ROBO1: variants seen among roughly 807,000 people sequenced by gnomAD.
ROBO1 encodes roundabout guidance receptor 1, also known as roundabout homolog 1.
In ROBO1, 149 loss-of-function variants were observed where a neutral mutation model predicts 195.9. The observed-to-expected ratio is 0.76, with a 90% CI of 0.67 to 0.87. The LOEUF is 0.87. Among genes scored for constraint, ROBO1 ranks in the 40% least tolerant of loss-of-function variants. The probability of loss-of-function intolerance (pLI) is 0.00; values close to 1 mark genes in which losing one functional copy is unlikely to be tolerated. For synonymous variants in ROBO1, 816 were observed against 733.2 expected (o/e 1.11, Z -1.82); for missense variants, 1,933 against 2,068.3 (o/e 0.93, Z 1.27).
At chr3:78,793,903 T>C (rs2084104406) in intron 4 of ROBO1, among the ~76,000 whole-genome samples, 1 of 152,198 alleles carries the variant, frequency 6.6e-6, no homozygotes, top group South Asian at 2.1e-4. Flanking sequence ...AAAGAAGCAC[T>C]GAATTATTTT....
chr3:79,638,549 G>A (rs1365927569), intron 1 of ROBO1, among the ~76,000 whole-genome samples: 1 of 152,024 alleles, frequency 6.6e-6, no homozygotes, highest in African/African-American at 2.4e-5. Context: ...CACAGTGCTG[G>A]AATTACAGAC....
intron 2 of ROBO1, among the ~76,000 whole-genome samples, chr3:79,425,628 A>T (rs2038414884): frequency 6.6e-6 from 1 of 152,246 alleles, no homozygotes; most frequent in East Asian, 1.9e-4. Context: ...TACATAAAAC[A>T]AAGATTAAGA....
intron 3 of ROBO1, among the ~76,000 whole-genome samples, chr3:78,959,311 T>C (rs2041219296): frequency 6.6e-6 from 1 of 152,208 alleles, no homozygotes; most frequent in South Asian, 2.1e-4. Flanking sequence ...GTCACATTAC[T>C]ATCATATTTG....
intron 10 of ROBO1, among the ~76,000 whole-genome samples, chr3:78,673,583 T>TAC (rs1708214886): frequency 3.0e-4 from 20 of 67,058 alleles, no homozygotes; most frequent in African/African-American, 8.2e-4. Context: ...TATATATATA[T>TAC]ATATATATAT....
chr3:78,754,285 T>C (rs918003016), intron 4 of ROBO1, among the ~76,000 whole-genome samples: 18 of 152,100 alleles, frequency 1.2e-4, no homozygotes, highest in African/African-American at 3.9e-4. Flanking sequence ...AAGAATGCCA[T>C]TGATGAGGGT....
intron 2 of ROBO1, among the ~76,000 whole-genome samples, chr3:79,483,929 A>G (rs1387039294): frequency 6.6e-6 from 1 of 152,074 alleles, no homozygotes; most frequent in Non-Finnish European, 1.5e-5. Flanking sequence ...TCAGTGGGAG[A>G]GTTGAAAAGA....
At chr3:78,953,473 G>A (rs1232214685) in intron 3 of ROBO1, among the ~76,000 whole-genome samples, 6 of 152,008 alleles carry the variant, frequency 3.9e-5, no homozygotes, top group Admixed American at 2.6e-4. Flanking sequence ...AGTATGAATT[G>A]TGTTAAGCAT....
chr3:79,685,766 A>G (rs2107019809), intron 1 of ROBO1, among the ~76,000 whole-genome samples: 1 of 152,294 alleles, frequency 6.6e-6, no homozygotes, highest in East Asian at 1.9e-4. Flanking sequence ...GACCAGATGG[A>G]TTCACAGCCA....
intron 4 of ROBO1, among the ~76,000 whole-genome samples, chr3:78,776,097 C>A (rs1022558543): frequency 6.6e-6 from 1 of 152,058 alleles, no homozygotes; most frequent in Non-Finnish European, 1.5e-5. Context: ...TTTTCCCCAC[C>A]CTTCTATGGG....
intron 9 of ROBO1, among the ~76,000 whole-genome samples, chr3:78,687,798 A>G (rs2081084423): frequency 6.6e-6 from 1 of 151,806 alleles, no homozygotes; most frequent in Non-Finnish European, 1.5e-5. Context: ...CTAATTGTTT[A>G]TTTTTAATGT....
At chr3:79,633,462 C>T (rs562156641) in intron 1 of ROBO1, among the ~76,000 whole-genome samples, 246 of 148,418 alleles carry the variant, frequency 1.7e-3, no homozygotes, top group Middle Eastern at 0.011. Flanking sequence ...CTAGGACAAT[C>T]GGCATGGGCT....
At chr3:79,332,551 C>G (rs2034491333) in intron 2 of ROBO1, among the ~76,000 whole-genome samples, 1 of 152,118 alleles carries the variant, frequency 6.6e-6, no homozygotes, top group Non-Finnish European at 1.5e-5. Flanking sequence ...CTTGTTTTCC[C>G]ATTTCTACAT....
At chr3:79,416,283 T>C (rs1216197457) in intron 2 of ROBO1, among the ~76,000 whole-genome samples, 1 of 151,474 alleles carries the variant, frequency 6.6e-6, no homozygotes, top group East Asian at 1.9e-4. Context: ...CGAGTTGTAG[T>C]GGAGATAGAA....
intron 4 of ROBO1, among the ~76,000 whole-genome samples, chr3:78,891,881 G>A (rs578000204): frequency 7.2e-5 from 11 of 152,254 alleles, no homozygotes; most frequent in Middle Eastern, 6.8e-3. Flanking sequence ...CTAAAGAAAA[G>A]GCAAAACTAA....
At chr3:78,703,291 T>C in intron 8 of ROBO1, among the ~76,000 whole-genome samples, 1 of 151,654 alleles carries the variant, frequency 6.6e-6, no homozygotes, top group East Asian at 1.9e-4. Flanking sequence ...CCAGCAGGAG[T>C]GGTGCTCAGC....
At position 79,168,925 on chromosome 3, in the gene ROBO1, T is replaced by C. The variant is rs192706872; in HGVS notation, c.89-43386A>G. The stretch of plus-strand genomic sequence containing the variant: ...GAAAATCCTAAATGAGAAAGTGACA[T>C]TTAAAGTTGAAAACTTGAAGAATTA... On this transcript the variant is annotated intron_variant, in intron 2 of 30. Coordinates refer to ENST00000464233, the MANE Select transcript of ROBO1 (RefSeq NM_002941.4). 1.2e-3 allele frequency among the ~76,000 whole-genome samples: 183 copies of C among 152,270 alleles called. 1 individual carries two copies. Among genetic ancestry groups the C allele is most frequent in the African/African-American group, 4.2e-3 (175 of 41,548 alleles).
chr3:78,847,757 C>G (rs1178201249), intron 4 of ROBO1, among the ~76,000 whole-genome samples: 1 of 152,072 alleles, frequency 6.6e-6, no homozygotes, highest in Non-Finnish European at 1.5e-5. Flanking sequence ...TCTTCAAGGC[C>G]ACACAGCAAG....
intron 4 of ROBO1, among the ~76,000 whole-genome samples, chr3:78,850,812 T>C (rs2034009360): frequency 6.6e-6 from 1 of 152,082 alleles, no homozygotes; most frequent in African/African-American, 2.4e-5. Flanking sequence ...CTTTTCTTTT[T>C]TTTTTCTTTT....
chr3:79,419,360 C>T (rs2038130799), intron 2 of ROBO1, among the ~76,000 whole-genome samples: 1 of 152,098 alleles, frequency 6.6e-6, no homozygotes, highest in African/African-American at 2.4e-5. Flanking sequence ...AAGTGTCCCT[C>T]CCTTGAGTAT....
Sources: gnomAD v4.1 joint callset for allele counts (sites outside exome capture counted in the v4.1 genomes callset) on GRCh38, gnomAD v4.1.1 for gene constraint, MANE v1.5 for transcripts, NCBI Gene and HGNC (gene_info 2026-07-23, HGNC 2026-07-21) for gene names.